Variants in CCDC39 observed in about 807,000 individuals in gnomAD.
CCDC39 encodes coiled-coil domain 39 molecular ruler complex subunit.
In CCDC39, 113 loss-of-function variants were observed where a neutral mutation model predicts 121.0. The observed-to-expected ratio is 0.93, with a 90% CI of 0.80 to 1.09. CCDC39 has a LOEUF of 1.09. Ranked by LOEUF, CCDC39 falls within the 50% of genes least tolerant of loss-of-function variation. The pLI is 0.00. For synonymous variants in CCDC39, 349 were observed against 352.2 expected (o/e 0.99, Z 0.10); for missense variants, 1,063 against 1,074.7 (o/e 0.99, Z 0.15).
intron 19 of CCDC39, among the ~76,000 whole-genome samples, chr3:180,615,412 T>A (rs1020421328): frequency 2.6e-5 from 4 of 152,142 alleles, no homozygotes; most frequent in Non-Finnish European, 5.9e-5. Flanking sequence ...CCAAGAGGAT[T>A]TGGTGCTGGC....
At chr3:180,662,054 T>C in intron 2 of CCDC39, 47 bp from the exon 3 acceptor site, 1 of 1,480,770 alleles carries the variant, frequency 6.8e-7, no homozygotes. Context: ...ATTTTAGAAA[T>C]TTTGAATACA....
In CCDC39 at chr3:180,644,158, A is replaced by G. The variant is rs1303890465; in HGVS notation, c.1627T>C (p.Ser543Pro). The change falls in exon 12 of 20, where the codon TCA becomes CCA. Residue 543 changes from serine to proline, a missense_variant. Coordinates refer to ENST00000476379, the MANE Select transcript of CCDC39 (RefSeq NM_181426.2). ...INELNLFIDR[S>P]EKELDKAKGF... Reference sequence around the variant, plus strand: ...TTGGCTTTATCAAGTTCTTTCTCTGATCTGTCGATGAAAAGGTTTAGTTCA... The same window carrying G: ...TTGGCTTTATCAAGTTCTTTCTCTGGTCTGTCGATGAAAAGGTTTAGTTCA... 1 of 1,545,262 alleles carries G rather than the reference A, an allele frequency of 6.5e-7. No individual in the cohort carries two copies. The highest frequency in any genetic ancestry group is 1.4e-5 in the African/African-American group (1 of 72,832).
At chr3:180,663,809 T>C in intron 2 of CCDC39, 58 bp downstream of exon 2, 1 of 1,537,016 alleles carries the variant, frequency 6.5e-7, no homozygotes, top group East Asian at 2.3e-5. Flanking sequence ...GATGTAAATA[T>C]ACTATGAGAT....
At chr3:180,667,788 A>C (rs1410238056) in intron 1 of CCDC39, among the ~76,000 whole-genome samples, 4 of 152,200 alleles carry the variant, frequency 2.6e-5, no homozygotes, top group Non-Finnish European at 5.9e-5. Context: ...CATTGGCCAA[A>C]AACTCAGCCT....
intron 9 of CCDC39, 133 bp downstream of exon 9, chr3:180,651,267 CA>C (rs1469310360): frequency 1.5e-6 from 1 of 669,678 alleles, no homozygotes; most frequent in Non-Finnish European, 2.4e-6. Flanking sequence ...GGTCCAAAAC[CA>C]GATTATAAAT....
chr3:180,654,221 C>CAAAAAAAAAAAAAAA (rs76424115), intron 7 of CCDC39, among the ~76,000 whole-genome samples: 1 of 44,936 alleles, frequency 2.2e-5, no homozygotes. Context: ...TAGCCACACG[C>CAAAAAAAAAAAAAAA]AAAAAAAAAA....
intron 7 of CCDC39, among the ~76,000 whole-genome samples, chr3:180,652,803 A>G (rs1414182838): frequency 6.6e-6 from 1 of 152,200 alleles, no homozygotes; most frequent in South Asian, 2.1e-4. Flanking sequence ...GAACAAATTC[A>G]GTAAGGTTTC....
At chr3:180,651,969 G>A (rs957699295) in intron 8 of CCDC39, among the ~76,000 whole-genome samples, 194 bp downstream of exon 8, 8 of 151,710 alleles carry the variant, frequency 5.3e-5, no homozygotes, top group East Asian at 1.9e-4. Context: ...CCCAGGAGGC[G>A]GAGCTTGCAG....
At chr3:180,624,490 T>C (rs1399549469) in intron 14 of CCDC39, among the ~76,000 whole-genome samples, 1 of 152,226 alleles carries the variant, frequency 6.6e-6, no homozygotes, top group Non-Finnish European at 1.5e-5. Flanking sequence ...ATTTCTTTTT[T>C]TTCTCTGTGT....
intron 9 of CCDC39, among the ~76,000 whole-genome samples, chr3:180,649,115 T>C (rs1576944556): frequency 6.6e-6 from 1 of 152,136 alleles, no homozygotes; most frequent in Non-Finnish European, 1.5e-5. Flanking sequence ...TTAGGAAAAT[T>C]TCTAAAAATT....
At chr3:180,668,437 T>G (rs563955672) in intron 1 of CCDC39, among the ~76,000 whole-genome samples, 4 of 152,246 alleles carry the variant, frequency 2.6e-5, no homozygotes, top group African/African-American at 9.6e-5. Context: ...TCTTCAGATA[T>G]GCTGGTGTCT....
Position 180,616,928 on chromosome 3 carries a change from T to C in CCDC39, c.2304A>G (p.Ala768=). The C allele has an allele frequency of 6.7e-7, 1 of 1,501,760 alleles. No individual in the cohort carries two copies. Among genetic ancestry groups the C allele is most frequent in the Non-Finnish European group, 9.2e-7 (1 of 1,088,978 alleles). The allele number at this position is 1,501,760 out of a possible 1,614,324, so 93.0% of individuals were successfully genotyped here. Residue 768 remains alanine, a synonymous_variant, in exon 17 of 20, where the codon GCA becomes GCG. Transcript: ENST00000476379. ...ENTLDVIEHL[A]NNVKEKLSEK... The stretch of plus-strand genomic sequence containing the variant: ...CTGATAACTTTTCTTTAACATTATT[T>C]GCCAAATGTTCTATAACATCTAATG...
chr3:180,650,002 G>A (rs981751016), intron 9 of CCDC39, among the ~76,000 whole-genome samples: 3 of 152,196 alleles, frequency 2.0e-5, no homozygotes, highest in Admixed American at 6.5e-5. Context: ...CACTGAGGAA[G>A]CTGGATCCCA....
chr3:180,656,491 G>A (rs1711583500), intron 6 of CCDC39, among the ~76,000 whole-genome samples: 2 of 152,180 alleles, frequency 1.3e-5, no homozygotes, highest in South Asian at 4.1e-4. Context: ...GAACAAAAGA[G>A]TATAATATCA....
intron 12 of CCDC39, among the ~76,000 whole-genome samples, chr3:180,643,268 A>G (rs961989123): frequency 2.6e-5 from 4 of 152,158 alleles, no homozygotes; most frequent in Admixed American, 2.6e-4. Context: ...CGACAGAGAC[A>G]ATATTTTTAC....
intron 14 of CCDC39, among the ~76,000 whole-genome samples, chr3:180,620,294 G>A (rs1223182859): frequency 6.6e-6 from 1 of 151,844 alleles, no homozygotes; most frequent in Non-Finnish European, 1.5e-5. Context: ...GAAAGGGAGG[G>A]AGGTTTGATA....
In CCDC39 at chr3:180,651,962, A is replaced by G. The variant is rs7633995; in HGVS notation, c.1034+201T>C. ...TGAGGCAGGAAAATGGTGTGAACCC[A>G]GGAGGCGGAGCTTGCAGTGAGCTGA... On this transcript the variant is annotated intron_variant, in intron 8 of 19. Coordinates refer to ENST00000476379, the MANE Select transcript of CCDC39 (RefSeq NM_181426.2). 0.18 allele frequency among the ~76,000 whole-genome samples: 27,012 copies of G among 151,824 alleles called. 3,862 individuals carry two copies. The highest frequency in any genetic ancestry group is 0.39 in the African/African-American group (16,058 of 41,278).
intron 6 of CCDC39, among the ~76,000 whole-genome samples, chr3:180,656,658 G>C (rs568337729): frequency 6.6e-6 from 1 of 152,138 alleles, no homozygotes; most frequent in African/African-American, 2.4e-5. Context: ...TGAGACAGGA[G>C]GTTGGCTCAA....
intron 11 of CCDC39, among the ~76,000 whole-genome samples, chr3:180,646,388 T>G (rs578193060): frequency 1.3e-5 from 2 of 152,154 alleles, no homozygotes; most frequent in South Asian, 4.1e-4. Flanking sequence ...CAGTGGTAAA[T>G]AACAATTAGA....
Sources: allele counts gnomAD v4.1 joint callset (sites outside exome capture counted in the v4.1 genomes callset), GRCh38; gene constraint gnomAD v4.1.1; transcripts MANE v1.5; gene names NCBI Gene and HGNC (gene_info 2026-07-23, HGNC 2026-07-21).